RHPN2: variants seen among roughly 807,000 people sequenced by gnomAD.
RHPN2 encodes rhophilin-2.
Under a neutral mutation model 79.0 loss-of-function variants are expected in RHPN2, and 40 were observed. The observed-to-expected ratio is 0.51, with a 90% CI of 0.39 to 0.66. The LOEUF (loss-of-function observed/expected upper bound fraction) is 0.66, where lower values mean the gene tolerates loss of function less well. Ranked by LOEUF, RHPN2 falls within the 30% of genes least tolerant of loss-of-function variation. The probability of loss-of-function intolerance (pLI) is 0.00; values close to 1 mark genes in which losing one functional copy is unlikely to be tolerated. For synonymous variants in RHPN2, 285 were observed against 363.5 expected (o/e 0.78, Z 2.46); for missense variants, 686 against 883.5 (o/e 0.78, Z 2.83).
intron 1 of RHPN2, among the ~76,000 whole-genome samples, chr19:33,056,861 G>A (rs542762173): frequency 1.2e-4 from 18 of 151,546 alleles, no homozygotes; most frequent in Middle Eastern, 6.8e-3. Flanking sequence ...TGTAATCCCA[G>A]CACTTTGGGA....
rs868672735 is a variant in RHPN2, at chr19:33,010,385, G to T, written c.593+1294C>A. Among the ~76,000 whole-genome samples, 23 of 140,598 alleles carry T rather than the reference G, an allele frequency of 1.6e-4. No homozygotes were observed. In the East Asian group the frequency reaches 2.3e-3, roughly 14 times the overall value. 92.2% of individuals were successfully genotyped at this position (140,598 alleles called of 152,430 possible). ...TCTCCAAAGTACTTTTTTTTAGGTT[G>T]TTTTTTTTTTTTTTTGACACAGAGT... On this transcript the variant is annotated intron_variant, in intron 6 of 14. Transcript: ENST00000254260.
chr19:33,060,123 G>C (rs984625909), intron 1 of RHPN2, among the ~76,000 whole-genome samples: 1 of 152,292 alleles, frequency 6.6e-6, no homozygotes, highest in Middle Eastern at 3.4e-3. Flanking sequence ...TTGAGGAGGC[G>C]CATGACCAGA....
At chr19:33,052,191 G>A (rs968281360) in intron 1 of RHPN2, among the ~76,000 whole-genome samples, 1 of 152,132 alleles carries the variant, frequency 6.6e-6, no homozygotes, top group African/African-American at 2.4e-5. Context: ...TCCTGGAACA[G>A]GGCAGTTTTT....
Position 33,011,796 on chromosome 19 carries a change from C to A in RHPN2, c.476G>T (p.Arg159Leu), listed in dbSNP as rs368366746. 7.4e-6 allele frequency: 12 copies of A among 1,613,778 alleles called. No individual in the cohort carries two copies. Among genetic ancestry groups the A allele is most frequent in the Non-Finnish European group, 1.0e-5 (12 of 1,179,878 alleles). ...CCCGGCCTCATCCCGGCTAGGCGTC[C>A]GACAAGCCTGCAAGGAAAAGAACCC... ...ADLMDLRQAC[R>L]TPSRDEAGVE... is the part of the protein sequence containing the mutation. Residue 159 changes from arginine (R) to leucine (L), a missense_variant, in exon 6 of 15, where the codon CGG becomes CTG. Arg to Leu is a moderately radical substitution (Grantham distance 102). Coordinates refer to ENST00000254260, the MANE Select transcript of RHPN2 (RefSeq NM_033103.5).
chr19:33,012,964 C>T (rs1422542458), intron 4 of RHPN2, among the ~76,000 whole-genome samples: 1 of 151,958 alleles, frequency 6.6e-6, no homozygotes, highest in South Asian at 2.1e-4. Context: ...CAACCTCTGC[C>T]TCCCGGGTTC....
intron 2 of RHPN2, among the ~76,000 whole-genome samples, chr19:33,031,309 G>A (rs1319519223): frequency 9.5e-6 from 1 of 105,144 alleles, no homozygotes; most frequent in African/African-American, 7.8e-5. Flanking sequence ...CACCCAGGCT[G>A]GAGTGCAGTG....
chr19:33,017,349 G>A (rs1486275707), intron 4 of RHPN2, among the ~76,000 whole-genome samples: 5 of 151,390 alleles, frequency 3.3e-5, no homozygotes, highest in Non-Finnish European at 7.4e-5. Flanking sequence ...ACTCCAGCCT[G>A]CGCAACAAGA....
rs951106312 is a variant in RHPN2 at position 33,055,285 on chromosome 19, A to G, written c.69+9499T>C. 3.9e-5 allele frequency among the ~76,000 whole-genome samples: 6 copies of G among 152,186 alleles called. No individual in the cohort carries two copies. The East Asian group carries it at 1.2e-3, about 29-fold the overall frequency. On this transcript the variant is annotated intron_variant, in intron 1 of 14. Coordinates refer to ENST00000254260, the MANE Select transcript of RHPN2 (RefSeq NM_033103.5). Reference sequence around the variant, plus strand: ...TGAGGCAGGAGGATCACTTGAGCCCAGGAGGTCAAGGCTACAGTGAGCTAC... The same window carrying G: ...TGAGGCAGGAGGATCACTTGAGCCCGGGAGGTCAAGGCTACAGTGAGCTAC...
chr19:33,045,625 C>A (rs1313480511), intron 1 of RHPN2, among the ~76,000 whole-genome samples: 1 of 152,136 alleles, frequency 6.6e-6, no homozygotes, highest in Non-Finnish European at 1.5e-5. Context: ...AGGTGCCCAC[C>A]ACCACGCCTG....
At chr19:33,041,825 A>G (rs1010393934) in intron 2 of RHPN2, among the ~76,000 whole-genome samples, 2 of 152,136 alleles carry the variant, frequency 1.3e-5, no homozygotes, top group Admixed American at 6.6e-5. Flanking sequence ...TCCTCCAACA[A>G]GAGAAATCAC....
At chr19:33,058,247 A>G (rs1276937902) in intron 1 of RHPN2, among the ~76,000 whole-genome samples, 2 of 152,152 alleles carry the variant, frequency 1.3e-5, no homozygotes, top group African/African-American at 4.8e-5. Flanking sequence ...ACTGCTCAGC[A>G]CTCCAGGAAA....
intron 2 of RHPN2, among the ~76,000 whole-genome samples, chr19:33,039,366 C>T (rs1231008003): frequency 3.9e-5 from 6 of 152,120 alleles, no homozygotes; most frequent in Non-Finnish European, 8.8e-5. Flanking sequence ...ACGGTGTGAG[C>T]TGTCATCAAC....
intron 9 of RHPN2, among the ~76,000 whole-genome samples, chr19:33,001,873 A>C (rs10414879): frequency 6.6e-6 from 1 of 152,204 alleles, no homozygotes; most frequent in African/African-American, 2.4e-5. Context: ...CAAAGTGCTG[A>C]GATTACAGGC....
chr19:33,064,755 T>TTGGCC, intron 1 of RHPN2, 29 bp downstream of exon 1: 1 of 1,427,944 alleles, frequency 7.0e-7, no homozygotes, highest in Non-Finnish European at 9.4e-7. Flanking sequence ...AGCCCGCAGG[T>TTGGCC]CCCCGCCCGC....
chr19:33,040,231 C>CTTTTTTT (rs1007486362), intron 2 of RHPN2, among the ~76,000 whole-genome samples: 2 of 97,790 alleles, frequency 2.0e-5, no homozygotes, highest in African/African-American at 9.1e-5. Context: ...GGCAACCTGC[C>CTTTTTTT]TTTTTTTTTT....
chr19:33,011,440 G>T (rs912144111), intron 6 of RHPN2, among the ~76,000 whole-genome samples: 1 of 152,084 alleles, frequency 6.6e-6, no homozygotes, highest in African/African-American at 2.4e-5. Flanking sequence ...TCTTCTCCTT[G>T]GCTCGCTTGT....
At chr19:32,986,935 G>A (rs1971617213) in intron 14 of RHPN2, among the ~76,000 whole-genome samples, 1 of 151,692 alleles carries the variant, frequency 6.6e-6, no homozygotes, top group Admixed American at 6.6e-5. Flanking sequence ...GAGTGCAGTG[G>A]TACAATCATA....
At chr19:33,010,329 T>G (rs905462937) in intron 6 of RHPN2, among the ~76,000 whole-genome samples, 3 of 151,788 alleles carry the variant, frequency 2.0e-5, no homozygotes, top group South Asian at 4.2e-4. Flanking sequence ...TCACTGACAC[T>G]CCTAACGACA....
At chr19:32,993,480 CAAAT>C (rs1971677305) in intron 12 of RHPN2, among the ~76,000 whole-genome samples, 3 of 152,042 alleles carry the variant, frequency 2.0e-5, no homozygotes, top group Middle Eastern at 6.8e-3. Flanking sequence ...TCTCAAAAAA[CAAAT>C]AAATAAAAAT....
Sources: gnomAD v4.1 joint callset for allele counts (sites outside exome capture counted in the v4.1 genomes callset) on GRCh38, gnomAD v4.1.1 for gene constraint, MANE v1.5 for transcripts, NCBI Gene and HGNC (gene_info 2026-07-23, HGNC 2026-07-21) for gene names.